ZBTB7C: variants seen among roughly 807,000 people sequenced by gnomAD.
ZBTB7C encodes the protein zinc finger and BTB domain containing 7C.
A neutral mutation model predicts 25.7 loss-of-function variants in ZBTB7C; 8 were observed. The ratio of observed to expected loss-of-function variants is 0.31; its 90% CI spans 0.18 to 0.56. The LOEUF is 0.56. ZBTB7C is among the 20% of genes least tolerant of loss of function. The probability of loss-of-function intolerance (pLI) is 0.91; values close to 1 mark genes in which losing one functional copy is unlikely to be tolerated. For synonymous variants in ZBTB7C, 394 were observed against 369.0 expected (o/e 1.07, Z -0.78); for missense variants, 824 against 855.2 (o/e 0.96, Z 0.46).
chr18:48,105,638 G>A lies in ZBTB7C; in HGVS notation c.-16-64515C>T, dbSNP rs145655532. The stretch of plus-strand genomic sequence containing the variant: ...GATCTCAGAGGTTTCTTCTAGTCCT[G>A]CTCAGTGGTGTGCTGGTGAAAACCT... On this transcript the variant is annotated intron_variant, in intron 3 of 4. Coordinates refer to ENST00000590800, the MANE Select transcript of ZBTB7C (RefSeq NM_001318841.2). Among the ~76,000 whole-genome samples the A allele has an allele frequency of 3.0e-4, 46 of 152,250 alleles. 1 individual carries two copies. The highest frequency in any genetic ancestry group is 1.0e-3 in the African/African-American group (43 of 41,544).
intron 3 of ZBTB7C, among the ~76,000 whole-genome samples, chr18:48,171,083 G>A (rs777008967): frequency 1.3e-5 from 2 of 152,188 alleles, no homozygotes; most frequent in Non-Finnish European, 2.9e-5. Context: ...CCAATCTGCT[G>A]GACCTGGACT....
chr18:48,152,135 G>A (rs1433977362), intron 3 of ZBTB7C, among the ~76,000 whole-genome samples: 1 of 152,130 alleles, frequency 6.6e-6, no homozygotes, highest in Non-Finnish European at 1.5e-5. Flanking sequence ...GACACAGGGT[G>A]TTTACATAGG....
At chr18:48,308,975 G>A (rs1296664275) in intron 2 of ZBTB7C, among the ~76,000 whole-genome samples, 2 of 152,186 alleles carry the variant, frequency 1.3e-5, no homozygotes, top group Non-Finnish European at 2.9e-5. Flanking sequence ...TGGGACCCCA[G>A]GAGCCCTACA....
At chr18:48,045,224 AGG>A (rs2036422198) in intron 3 of ZBTB7C, among the ~76,000 whole-genome samples, 1 of 152,228 alleles carries the variant, frequency 6.6e-6, no homozygotes, top group African/African-American at 2.4e-5. Flanking sequence ...GGCCAGCCTC[AGG>A]GGCTGGAATG....
chr18:48,054,639 C>T (rs1278134696), intron 3 of ZBTB7C, among the ~76,000 whole-genome samples: 5 of 152,202 alleles, frequency 3.3e-5, no homozygotes, highest in Admixed American at 3.3e-4. Context: ...TTGTACTTTT[C>T]TTCTAAGCAA....
chr18:48,030,223 T>C (rs935400878), intron 4 of ZBTB7C, among the ~76,000 whole-genome samples: 15 of 152,208 alleles, frequency 9.9e-5, no homozygotes, highest in Non-Finnish European at 8.8e-5. Flanking sequence ...ACTGGGAAGA[T>C]ACTTCGCCAG....
chr18:48,369,076 G>A (rs903381077), intron 1 of ZBTB7C, among the ~76,000 whole-genome samples: 1 of 152,160 alleles, frequency 6.6e-6, no homozygotes, highest in Non-Finnish European at 1.5e-5. Flanking sequence ...ATATTTGACA[G>A]TTGAAGCAAA....
chr18:48,381,685 T>G (rs1371808193), intron 1 of ZBTB7C, among the ~76,000 whole-genome samples: 2 of 152,170 alleles, frequency 1.3e-5, no homozygotes, highest in Non-Finnish European at 2.9e-5. Context: ...ACAAAAGAAA[T>G]CACAATAACT....
intron 2 of ZBTB7C, among the ~76,000 whole-genome samples, chr18:48,336,848 C>G (rs2046468841): frequency 6.6e-6 from 1 of 152,150 alleles, no homozygotes; most frequent in Admixed American, 6.5e-5. Flanking sequence ...ACTTGCCCCA[C>G]TGAGAGGTGG....
chr18:48,337,035 T>G (rs2046472787), intron 2 of ZBTB7C, among the ~76,000 whole-genome samples: 2 of 152,242 alleles, frequency 1.3e-5, no homozygotes, highest in Non-Finnish European at 2.9e-5. Flanking sequence ...CTAGCACCTT[T>G]GGTTGATCCA....
intron 2 of ZBTB7C, among the ~76,000 whole-genome samples, chr18:48,279,896 A>G (rs1053732660): frequency 6.6e-6 from 1 of 152,246 alleles, no homozygotes; most frequent in Admixed American, 6.5e-5. Context: ...ATCACAACGC[A>G]GTGGATAAGA....
intron 1 of ZBTB7C, among the ~76,000 whole-genome samples, chr18:48,407,114 C>T (rs1333256926): frequency 6.6e-6 from 1 of 152,208 alleles, no homozygotes; most frequent in African/African-American, 2.4e-5. Context: ...TCCAACACCC[C>T]CAGATAATTG....
intron 3 of ZBTB7C, among the ~76,000 whole-genome samples, chr18:48,089,796 C>T (rs10468996): frequency 1.1e-5 from 1 of 93,412 alleles, no homozygotes; most frequent in East Asian, 3.8e-4. Context: ...AAAGCCTAAA[C>T]AAACAAACAA....
intron 2 of ZBTB7C, among the ~76,000 whole-genome samples, chr18:48,238,931 A>T (rs2043451805): frequency 6.6e-6 from 1 of 152,016 alleles, no homozygotes; most frequent in Non-Finnish European, 1.5e-5. Context: ...CTGCCTGGAT[A>T]CCAGTTTGGT....
chr18:48,409,280 C>T lies in ZBTB7C; in HGVS notation c.-358G>A, dbSNP rs1217650159. Reference sequence around the variant, plus strand: ...CCGCACTTGGCTCCGGGACGCAGTCCTGGCGTCCTCCTTCGCCGCCGGTGT... The same window carrying T: ...CCGCACTTGGCTCCGGGACGCAGTCTTGGCGTCCTCCTTCGCCGCCGGTGT... On this transcript the variant is annotated 5_prime_UTR_variant, in exon 1 of 5. Coordinates refer to ENST00000590800, the MANE Select transcript of ZBTB7C (RefSeq NM_001318841.2). The T allele has an allele frequency of 6.7e-6, 1 of 149,598 alleles. No individual in the cohort carries two copies. Among genetic ancestry groups the T allele is most frequent in the Non-Finnish European group, 1.5e-5 (1 of 67,100 alleles). 9.3% of individuals were successfully genotyped at this position (149,598 alleles called of 1,614,324 possible). A position where few individuals can be genotyped will look rare whatever the true frequency, so the allele number is the denominator to read the frequency against.
chr18:48,189,603 G>A (rs1287361869), intron 2 of ZBTB7C, among the ~76,000 whole-genome samples: 1 of 152,120 alleles, frequency 6.6e-6, no homozygotes, highest in African/African-American at 2.4e-5. Context: ...TTCCAAGTTA[G>A]CAGTTGCTGC....
intron 1 of ZBTB7C, among the ~76,000 whole-genome samples, chr18:48,342,726 A>G (rs1372283112): frequency 1.3e-5 from 2 of 152,150 alleles, no homozygotes; most frequent in African/African-American, 4.8e-5. Flanking sequence ...TGGATCCTAC[A>G]CAACCCAACG....
intron 2 of ZBTB7C, among the ~76,000 whole-genome samples, chr18:48,215,786 A>G (rs2042809487): frequency 6.6e-6 from 1 of 152,236 alleles, no homozygotes; most frequent in Non-Finnish European, 1.5e-5. Context: ...TTTCTACAGA[A>G]TGTAAATTTC....
intron 3 of ZBTB7C, among the ~76,000 whole-genome samples, chr18:48,185,725 G>A (rs187801731): frequency 3.9e-5 from 6 of 152,212 alleles, no homozygotes; most frequent in African/African-American, 1.2e-4. Flanking sequence ...TCTCCACTTA[G>A]AGGGCAGAGC....
Sources: allele counts gnomAD v4.1 joint callset (sites outside exome capture counted in the v4.1 genomes callset), GRCh38; gene constraint gnomAD v4.1.1; transcripts MANE v1.5; gene names NCBI Gene and HGNC (gene_info 2026-07-23, HGNC 2026-07-21).